The following THSD7B variants were observed in gnomAD, a reference collection of about 807,000 sequenced individuals.
The protein encoded by THSD7B is thrombospondin type 1 domain containing 7B, also known as thrombospondin type-1 domain-containing protein 7B.
In THSD7B, 138 loss-of-function variants were observed where a neutral mutation model predicts 213.6. That is an observed-to-expected ratio of 0.65 (90% CI 0.56 to 0.74). The LOEUF is 0.74. Ranked by LOEUF, THSD7B falls within the 30% of genes least tolerant of loss-of-function variation. The pLI is 0.00. For synonymous variants in THSD7B, 742 were observed against 687.0 expected (o/e 1.08, Z -1.25); for missense variants, 1,931 against 1,991.5 (o/e 0.97, Z 0.58).
chr2:137,317,642 G>A (rs746042060), intron 12 of THSD7B, among the ~76,000 whole-genome samples: 39 of 152,262 alleles, frequency 2.6e-4, no homozygotes, highest in Non-Finnish European at 4.7e-4. Context: ...GGCTCCTGGC[G>A]ATATAATTAT....
Position 137,405,698 on chromosome 2 carries a change from A to G in THSD7B, c.2586A>G (p.Gln862=). ...CAAACGGCATGCCTCTCCTTGTGCA[A>G]GAATGCACAGTCCCATGTCGAGAAG... ...KQTNGMPLLV[Q]ECTVPCREDC... is the part of the protein sequence containing the mutation. Residue 862 remains glutamine, a synonymous_variant, in exon 13 of 28, where the codon CAA becomes CAG. Transcript: ENST00000409968. 1 of 1,613,764 alleles carries G rather than the reference A, an allele frequency of 6.2e-7. No homozygotes were observed. Among genetic ancestry groups the G allele is most frequent in the Non-Finnish European group, 8.5e-7 (1 of 1,179,806 alleles).
chr2:137,560,902 A>T (rs1681103869), intron 15 of THSD7B, among the ~76,000 whole-genome samples: 1 of 152,028 alleles, frequency 6.6e-6, no homozygotes, highest in Non-Finnish European at 1.5e-5. Context: ...CCAAAGAAAC[A>T]CTAACTGGGG....
At chr2:137,188,363 G>A (rs1434021550) in intron 7 of THSD7B, among the ~76,000 whole-genome samples, 1 of 152,128 alleles carries the variant, frequency 6.6e-6, no homozygotes, top group Non-Finnish European at 1.5e-5. Context: ...AGTGCTGAAG[G>A]TAGATACTCT....
At chr2:137,616,686 TTTA>T (rs926654652) in intron 18 of THSD7B, among the ~76,000 whole-genome samples, 7 of 152,204 alleles carry the variant, frequency 4.6e-5, no homozygotes, top group Non-Finnish European at 8.8e-5. Context: ...TTTTATGCCT[TTTA>T]TTATTTCAGA....
rs139133158 is a variant in THSD7B, at chr2:136,827,945, A to AGT, written c.-35-54185_-35-54184dup. 4.3e-4 allele frequency among the ~76,000 whole-genome samples: 65 copies of AGT among 151,376 alleles called. 2 individuals are homozygous for AGT. The South Asian group carries it at 5.9e-3, about 14-fold the overall frequency. ...ATAATTTCTAATAAGTGATTTGAAG[A>AGT]GTGTGTGTGTGTGTGCCTGTGTATG... On this transcript the variant is annotated intron_variant, in intron 1 of 27. Coordinates refer to ENST00000409968, the MANE Select transcript of THSD7B (RefSeq NM_001316349.2).
chr2:137,133,549 T>A (rs1048642228), intron 5 of THSD7B, among the ~76,000 whole-genome samples: 12 of 152,076 alleles, frequency 7.9e-5, no homozygotes, highest in African/African-American at 2.7e-4. Context: ...GGGAGTGGGA[T>A]CCTGCATTTC....
At chr2:137,562,974 C>A (rs868212387) in intron 15 of THSD7B, among the ~76,000 whole-genome samples, 1 of 151,988 alleles carries the variant, frequency 6.6e-6, no homozygotes. Flanking sequence ...AGGAAATGAC[C>A]GTCCTTTGTT....
intron 2 of THSD7B, among the ~76,000 whole-genome samples, chr2:137,020,307 C>A (rs559418610): frequency 6.6e-6 from 1 of 152,266 alleles, no homozygotes; most frequent in East Asian, 1.9e-4. Flanking sequence ...AGCACGGTGG[C>A]ACATAAAGCC....
At chr2:137,594,918 T>C (rs1681931494) in intron 17 of THSD7B, among the ~76,000 whole-genome samples, 1 of 151,962 alleles carries the variant, frequency 6.6e-6, no homozygotes. Flanking sequence ...AGTGTAGATG[T>C]TCTGCATATC....
chr2:137,405,292 TC>T lies in THSD7B; in HGVS notation c.2501-318del, dbSNP rs1364593795. On this transcript the variant is annotated intron_variant, in intron 12 of 27. Coordinates refer to ENST00000409968, the MANE Select transcript of THSD7B (RefSeq NM_001316349.2). The stretch of plus-strand genomic sequence containing the variant: ...GTGTTATCATCTTACTCTTATAGTT[TC>T]CCTTTCTTAGTTTTATATCATCTCT... 4.6e-5 allele frequency among the ~76,000 whole-genome samples: 7 copies of T among 152,198 alleles called. No homozygotes were observed. The East Asian group carries it at 1.2e-3, about 25-fold the overall frequency.
At chr2:136,897,135 T>C (rs1040288691) in intron 2 of THSD7B, among the ~76,000 whole-genome samples, 2 of 152,042 alleles carry the variant, frequency 1.3e-5, no homozygotes, top group Admixed American at 1.3e-4. Flanking sequence ...AAAAAAAAAT[T>C]TGTAGAGACA....
chr2:136,930,720 C>T (rs1418446010), intron 2 of THSD7B, among the ~76,000 whole-genome samples: 1 of 152,104 alleles, frequency 6.6e-6, no homozygotes, highest in Non-Finnish European at 1.5e-5. Flanking sequence ...TTGTGTAAGC[C>T]AGTCTTTGTG....
intron 1 of THSD7B, among the ~76,000 whole-genome samples, chr2:136,765,947 C>A (rs560521143): frequency 1.2e-4 from 19 of 152,316 alleles, no homozygotes; most frequent in African/African-American, 4.1e-4. Context: ...TCTAGGCGGG[C>A]GGGGACGCCC....
At chr2:137,025,072 C>G (rs1686521628) in intron 2 of THSD7B, among the ~76,000 whole-genome samples, 4 of 152,148 alleles carry the variant, frequency 2.6e-5, no homozygotes, top group Admixed American at 2.6e-4. Flanking sequence ...CCGTACCAGT[C>G]TTCTGCTCAG....
intron 12 of THSD7B, among the ~76,000 whole-genome samples, chr2:137,363,081 C>T (rs914345847): frequency 4.6e-5 from 7 of 152,192 alleles, no homozygotes; most frequent in Non-Finnish European, 8.8e-5. Flanking sequence ...GATTAAGAAA[C>T]TCACTCAAAA....
intron 1 of THSD7B, among the ~76,000 whole-genome samples, chr2:136,829,146 A>C (rs1415940678): frequency 6.7e-6 from 1 of 148,246 alleles, no homozygotes; most frequent in African/African-American, 2.5e-5. Context: ...ACAGATTGTA[A>C]TTTCTGTGAG....
chr2:137,013,218 C>T (rs1686262784), intron 2 of THSD7B, among the ~76,000 whole-genome samples: 1 of 152,096 alleles, frequency 6.6e-6, no homozygotes. Context: ...TTAGCTGAAA[C>T]AATCAAATAA....
At chr2:137,385,660 G>C (rs1239125571) in intron 12 of THSD7B, among the ~76,000 whole-genome samples, 1 of 152,146 alleles carries the variant, frequency 6.6e-6, no homozygotes, top group Admixed American at 6.5e-5. Context: ...GAGCATTGGA[G>C]GATTGACTTC....
intron 17 of THSD7B, among the ~76,000 whole-genome samples, chr2:137,574,438 T>G (rs1032545954): frequency 1.3e-5 from 2 of 152,160 alleles, no homozygotes; most frequent in Non-Finnish European, 2.9e-5. Context: ...CCTGCTTATG[T>G]ACCTTCCAAG....
Sources: allele counts gnomAD v4.1 joint callset (sites outside exome capture counted in the v4.1 genomes callset), GRCh38; gene constraint gnomAD v4.1.1; transcripts MANE v1.5; gene names NCBI Gene and HGNC (gene_info 2026-07-23, HGNC 2026-07-21).